ST7L: variants seen among roughly 807,000 people sequenced by gnomAD.
ST7L encodes suppressor of tumorigenicity 7 protein-like.
In ST7L, 57 loss-of-function variants were observed where a neutral mutation model predicts 72.5. That is an observed-to-expected ratio of 0.79 (90% confidence interval 0.64 to 0.98). The LOEUF is 0.98. Ranked by LOEUF, ST7L falls within the 50% of genes least tolerant of loss-of-function variation. The pLI is 0.00. For synonymous variants in ST7L, 221 were observed against 240.9 expected (o/e 0.92, Z 0.77); for missense variants, 576 against 672.2 (o/e 0.86, Z 1.58).
chr1:112,611,069 C>T, intron 2 of ST7L, 66 bp from the exon 3 acceptor site: 3 of 1,518,576 alleles, frequency 2.0e-6, no homozygotes, highest in Non-Finnish European at 2.7e-6. Flanking sequence ...CAAATTAAAA[C>T]ATTCTCTCAA....
intron 5 of ST7L, among the ~76,000 whole-genome samples, chr1:112,595,557 A>G (rs1666359661): frequency 1.3e-5 from 2 of 151,986 alleles, no homozygotes; most frequent in Non-Finnish European, 1.5e-5. Flanking sequence ...AGTAGCTGGG[A>G]CTACAGGCAT....
intron 5 of ST7L, among the ~76,000 whole-genome samples, chr1:112,597,146 G>A (rs1666607081): frequency 6.6e-6 from 1 of 152,166 alleles, no homozygotes; most frequent in Non-Finnish European, 1.5e-5. Context: ...CTTCATAGAG[G>A]TTTAGACAAA....
chr1:112,595,239 C>G (rs1025847123), intron 5 of ST7L, among the ~76,000 whole-genome samples: 12 of 151,768 alleles, frequency 7.9e-5, no homozygotes, highest in Non-Finnish European at 1.6e-4. Flanking sequence ...GTGGTGCATG[C>G]CTGTAATCCC....
At chr1:112,583,824 G>T in intron 7 of ST7L, 148 bp downstream of exon 7, 1 of 845,282 alleles carries the variant, frequency 1.2e-6, no homozygotes, top group Non-Finnish European at 1.8e-6. Flanking sequence ...TGTCTTGCTG[G>T]CTTGTAGGTA....
At chr1:112,605,113 C>T (rs1450486747) in intron 3 of ST7L, among the ~76,000 whole-genome samples, 11 of 138,294 alleles carry the variant, frequency 8.0e-5, no homozygotes, top group African/African-American at 1.7e-4. Flanking sequence ...AAAAAAGGGC[C>T]GGGCATGGTA....
chr1:112,574,395 C>A (rs1662713461), intron 11 of ST7L, among the ~76,000 whole-genome samples: 2 of 151,688 alleles, frequency 1.3e-5, no homozygotes, highest in African/African-American at 2.4e-5. Context: ...CGCACTGGCT[C>A]ACGCCTGTAA....
chr1:112,528,455 G>C lies in ST7L; in HGVS notation c.1630-2344C>G, dbSNP rs1200881342. ...GTCAGTAAACATCAGGGCACCTATG[G>C]AAAAGCACAAGGATGAGTCCATTTG... On this transcript the variant is annotated intron_variant, in intron 14 of 14. Coordinates refer to ENST00000358039, the MANE Select transcript of ST7L (RefSeq NM_017744.5). 5 of 151,890 alleles carry C rather than the reference G, an allele frequency of 3.3e-5. No individual in the cohort carries two copies. In the East Asian group the frequency reaches 9.7e-4, roughly 29 times the overall value. The allele number at this position is 151,890 out of a possible 1,614,324, so 9.4% of individuals were successfully genotyped here.
Position 112,613,781 on chromosome 1 carries a change from G to A in ST7L, c.289-2778C>T, listed in dbSNP as rs1298087773. 3.9e-5 allele frequency among the ~76,000 whole-genome samples: 6 copies of A among 152,196 alleles called. No homozygotes were observed. In the South Asian group the frequency reaches 1.0e-3, roughly 26 times the overall value. On this transcript the variant is annotated intron_variant, in intron 2 of 14. Transcript: ENST00000358039. Reference sequence around the variant, plus strand: ...TCCACTCTGTTGCCCGGGCTGGAGTGCAGTAGCATGATCACAGCTCACCAC... The same window carrying A: ...TCCACTCTGTTGCCCGGGCTGGAGTACAGTAGCATGATCACAGCTCACCAC...
intron 11 of ST7L, among the ~76,000 whole-genome samples, chr1:112,556,254 T>C (rs1487533197): frequency 6.6e-6 from 1 of 152,166 alleles, no homozygotes; most frequent in African/African-American, 2.4e-5. Flanking sequence ...AAATGGCATA[T>C]GTGTGGCCTG....
At chr1:112,545,645 C>T (rs1037396584) in intron 13 of ST7L, among the ~76,000 whole-genome samples, 1 of 152,136 alleles carries the variant, frequency 6.6e-6, no homozygotes, top group African/African-American at 2.4e-5. Context: ...TTGGATATTA[C>T]TCCTCACTTG....
chr1:112,536,683 C>A (rs1655262247), intron 14 of ST7L, among the ~76,000 whole-genome samples: 1 of 151,920 alleles, frequency 6.6e-6, no homozygotes, highest in South Asian at 2.1e-4. Flanking sequence ...CTAATGTAGT[C>A]CTTAAAGAAT....
At chr1:112,541,539 T>C (rs943058973) in intron 14 of ST7L, among the ~76,000 whole-genome samples, 26 of 152,186 alleles carry the variant, frequency 1.7e-4, no homozygotes, top group African/African-American at 6.3e-4. Context: ...ATGTACTTAT[T>C]ATCCATCCTA....
chr1:112,570,907 C>T (rs1317988027), intron 11 of ST7L, among the ~76,000 whole-genome samples: 2 of 152,180 alleles, frequency 1.3e-5, no homozygotes, highest in East Asian at 1.9e-4. Flanking sequence ...TGGTGGCTCA[C>T]GCCTGTAATC....
intron 12 of ST7L, among the ~76,000 whole-genome samples, chr1:112,552,294 A>T (rs1658341644): frequency 6.6e-6 from 1 of 152,196 alleles, no homozygotes; most frequent in Non-Finnish European, 1.5e-5. Context: ...AATAATGTTG[A>T]ATGAAACAAC....
intron 11 of ST7L, among the ~76,000 whole-genome samples, chr1:112,572,461 C>A (rs973283235): frequency 2.6e-5 from 4 of 151,832 alleles, no homozygotes; most frequent in African/African-American, 9.7e-5. Context: ...TGTTTCTCAA[C>A]ATGAGCAAAG....
chr1:112,613,054 G>A (rs796999350), intron 2 of ST7L, among the ~76,000 whole-genome samples: 2 of 152,222 alleles, frequency 1.3e-5, no homozygotes, highest in African/African-American at 4.8e-5. Context: ...AGCAGGTCAA[G>A]GCTGCTGTGA....
intron 11 of ST7L, among the ~76,000 whole-genome samples, chr1:112,559,568 A>G (rs1382640828): frequency 6.6e-6 from 1 of 152,174 alleles, no homozygotes; most frequent in Non-Finnish European, 1.5e-5. Flanking sequence ...CTATATACCT[A>G]AATTTTTACT....
chr1:112,535,393 A>C lies in ST7L; in HGVS notation c.1629+6558T>G, dbSNP rs568630527. ...TCTCCAAATAATAATACTAATAATA[A>C]TAAGAAGAAGAAGAAGAAGAAGAAG... On this transcript the variant is annotated intron_variant, in intron 14 of 14. Coordinates refer to ENST00000358039, the MANE Select transcript of ST7L (RefSeq NM_017744.5). Among the ~76,000 whole-genome samples, 7 of 148,776 alleles carry C rather than the reference A, an allele frequency of 4.7e-5. No individual in the cohort carries two copies. The East Asian group carries it at 1.4e-3, about 31-fold the overall frequency.
At chr1:112,532,414 G>A (rs1654530774) in intron 14 of ST7L, among the ~76,000 whole-genome samples, 1 of 152,272 alleles carries the variant, frequency 6.6e-6, no homozygotes, top group South Asian at 2.1e-4. Context: ...ATGAGCTCTG[G>A]CTTCAGAAAG....
Sources: gnomAD v4.1 joint callset for allele counts (sites outside exome capture counted in the v4.1 genomes callset) on GRCh38, gnomAD v4.1.1 for gene constraint, MANE v1.5 for transcripts, NCBI Gene and HGNC (gene_info 2026-07-23, HGNC 2026-07-21) for gene names.